SDK2: variants seen among roughly 807,000 people sequenced by gnomAD.
The protein encoded by SDK2 is sidekick cell adhesion molecule 2.
In SDK2, 105 loss-of-function variants were observed where a neutral mutation model predicts 253.9. The ratio of observed to expected loss-of-function variants is 0.41; its 90% CI spans 0.35 to 0.49. The LOEUF (loss-of-function observed/expected upper bound fraction) is 0.49, where lower values mean the gene tolerates loss of function less well. Ranked by LOEUF, SDK2 falls within the 20% of genes least tolerant of loss-of-function variation. The pLI, the probability that SDK2 is intolerant of heterozygous loss-of-function variation, is 0.06. For synonymous variants in SDK2, 1,249 were observed against 1,234.9 expected, an observed-to-expected ratio of 1.01 and a Z score of -0.24; for missense variants, 2,608 against 3,003.0, an observed-to-expected ratio of 0.87 and a Z score of 3.07.
At chr17:73,351,270 C>T (rs541810387) in intron 41 of SDK2, among the ~76,000 whole-genome samples, 6 of 152,194 alleles carry the variant, frequency 3.9e-5, no homozygotes, top group African/African-American at 7.2e-5. Flanking sequence ...CCACCACACC[C>T]GGCTAATCTT....
intron 30 of SDK2, among the ~76,000 whole-genome samples, chr17:73,387,258 CCT>C (rs1452400850): frequency 6.6e-6 from 1 of 152,204 alleles, no homozygotes; most frequent in Middle Eastern, 3.2e-3. Context: ...CCGCTCCTGG[CCT>C]CTCTTTTTTA....
chr17:73,497,609 T>A (rs921121472), intron 2 of SDK2, among the ~76,000 whole-genome samples: 1 of 151,760 alleles, frequency 6.6e-6, no homozygotes, highest in Non-Finnish European at 1.5e-5. Flanking sequence ...CAGCAGAGCC[T>A]CACGTCCCAC....
chr17:73,494,541 C>T (rs751031363), intron 2 of SDK2, among the ~76,000 whole-genome samples: 2 of 152,212 alleles, frequency 1.3e-5, no homozygotes, highest in African/African-American at 4.8e-5. Flanking sequence ...AAGCCAGTCA[C>T]GGTTTGAGAG....
chr17:73,358,408 A>G (rs2062611321), intron 39 of SDK2, among the ~76,000 whole-genome samples: 4 of 152,162 alleles, frequency 2.6e-5, no homozygotes, highest in Admixed American at 2.0e-4. Flanking sequence ...GGCTACCCCT[A>G]TGCTCCATAT....
In SDK2 at chr17:73,481,289, C is replaced by A. The variant is rs2063721978; in HGVS notation, c.225-9071G>T. On this transcript the variant is annotated intron_variant, in intron 2 of 44. Coordinates refer to ENST00000392650, the MANE Select transcript of SDK2 (RefSeq NM_001144952.2). The surrounding 1 kb of genome is among the most constrained non-coding windows in gnomAD (Gnocchi z 4.5). ...GGGGGGACTTGGGCACAGTGTGTTC[C>A]CCCCACCTTCTAGGGAACCTGAGGG... Among the ~76,000 whole-genome samples, 1 of 152,074 alleles carries A rather than the reference C, an allele frequency of 6.6e-6. No individual in the cohort carries two copies.
intron 2 of SDK2, among the ~76,000 whole-genome samples, chr17:73,476,931 G>A (rs778912987): frequency 4.6e-5 from 7 of 151,542 alleles, no homozygotes; most frequent in Non-Finnish European, 8.8e-5. Flanking sequence ...CCTCTCTCCC[G>A]CTCCTCCGCC....
chr17:73,412,599 A>G (rs867258604), intron 18 of SDK2, among the ~76,000 whole-genome samples: 1 of 152,124 alleles, frequency 6.6e-6, no homozygotes, highest in African/African-American at 2.4e-5. Context: ...CCCTAATCCA[A>G]TGTGACTGAG....
intron 10 of SDK2, among the ~76,000 whole-genome samples, chr17:73,433,345 C>A (rs1362091081): frequency 6.6e-6 from 1 of 151,892 alleles, no homozygotes; most frequent in East Asian, 1.9e-4. Flanking sequence ...TGCAGTGGCA[C>A]AATCTTGGCT....
intron 40 of SDK2, among the ~76,000 whole-genome samples, chr17:73,353,441 A>G (rs1208459350): frequency 1.3e-5 from 2 of 152,146 alleles, no homozygotes; most frequent in East Asian, 1.9e-4. Flanking sequence ...TTGTTTCGAG[A>G]CAGAGTTTCG....
chr17:73,579,381 TG>T (rs2045501653), intron 1 of SDK2, among the ~76,000 whole-genome samples: 1 of 152,200 alleles, frequency 6.6e-6, no homozygotes, highest in African/African-American at 2.4e-5. Context: ...ATCTTCCTCA[TG>T]CTCTTGCCTA....
chr17:73,409,399 T>G (rs1356529579), intron 18 of SDK2, among the ~76,000 whole-genome samples: 1 of 151,922 alleles, frequency 6.6e-6, no homozygotes, highest in Non-Finnish European at 1.5e-5. Context: ...GAGAATCACT[T>G]GAGCCCAGGA....
At chr17:73,413,320 T>A (rs1015753204) in intron 18 of SDK2, among the ~76,000 whole-genome samples, 1 of 151,898 alleles carries the variant, frequency 6.6e-6, no homozygotes, top group Admixed American at 6.6e-5. Context: ...GACCATCTAG[T>A]TGCAGGAAAA....
Position 73,447,881 on chromosome 17 carries a change from A to AC in SDK2, c.480-134dup. ...CCAGCCTCCCAGGGCCCCTCCTGCCACCCCCTCCCCAACCTCTTACTGCCT... is the reference window on the plus strand; with the variant it reads ...CCAGCCTCCCAGGGCCCCTCCTGCCACCCCCCTCCCCAACCTCTTACTGCCT... On this transcript the variant is annotated intron_variant, in intron 4 of 44. Transcript: ENST00000392650. This position sits in a 1 kb window ranked among gnomAD's most constrained non-coding sequence, Gnocchi z 4.0. 1.0e-6 allele frequency: 1 copy of AC among 998,370 alleles called. No individual in the cohort carries two copies. The highest frequency in any genetic ancestry group is 1.5e-6 in the Non-Finnish European group (1 of 677,916). 61.8% of individuals were successfully genotyped at this position (998,370 alleles called of 1,614,324 possible).
chr17:73,551,966 A>G (rs927576630), intron 1 of SDK2, among the ~76,000 whole-genome samples: 1 of 152,198 alleles, frequency 6.6e-6, no homozygotes, highest in Non-Finnish European at 1.5e-5. Context: ...ATTGGCTGCC[A>G]CCAGACTGAT....
At chr17:73,575,648 G>A (rs1408307825) in intron 1 of SDK2, among the ~76,000 whole-genome samples, 1 of 152,250 alleles carries the variant, frequency 6.6e-6, no homozygotes, top group East Asian at 1.9e-4. Context: ...GTTAATATGT[G>A]TAAAGCATGT....
intron 10 of SDK2, among the ~76,000 whole-genome samples, chr17:73,432,339 A>T (rs2063332186): frequency 1.3e-5 from 2 of 152,034 alleles, no homozygotes; most frequent in Non-Finnish European, 2.9e-5. Flanking sequence ...GACTATGTCT[A>T]TTTTAAAGAA....
intron 16 of SDK2, among the ~76,000 whole-genome samples, chr17:73,416,199 A>AGTTTTTT (rs373187962): frequency 3.3e-5 from 4 of 120,318 alleles, no homozygotes; most frequent in Non-Finnish European, 6.6e-5. Flanking sequence ...AATGAATTCA[A>AGTTTTTT]TTTTTTTTTT....
rs937373442 is a variant in SDK2 at position 73,511,620 on chromosome 17, C to G, written c.65-4023G>C. 6.6e-6 allele frequency among the ~76,000 whole-genome samples: 1 copy of G among 152,284 alleles called. No homozygotes were observed. Among genetic ancestry groups the G allele is most frequent in the East Asian group, 1.9e-4 (1 of 5,172 alleles). On this transcript the variant is annotated intron_variant, in intron 1 of 44. Coordinates refer to ENST00000392650, the MANE Select transcript of SDK2 (RefSeq NM_001144952.2). The surrounding 1 kb of genome is among the most constrained non-coding windows in gnomAD (Gnocchi z 4.9). Reference sequence around the variant, plus strand: ...TGGGCTGGGGGCTCCACATCCCTCGCCTCCTGTGGTCCTCACAAGGTTCCT... The same window carrying G: ...TGGGCTGGGGGCTCCACATCCCTCGGCTCCTGTGGTCCTCACAAGGTTCCT...
At chr17:73,409,594 C>T (rs2063108627) in intron 18 of SDK2, among the ~76,000 whole-genome samples, 1 of 151,392 alleles carries the variant, frequency 6.6e-6, no homozygotes, top group African/African-American at 2.4e-5. Context: ...TGCGCCATTG[C>T]ATTCTAGCCC....
Sources: gnomAD v4.1 joint callset for allele counts (sites outside exome capture counted in the v4.1 genomes callset) on GRCh38, gnomAD v4.1.1 for gene constraint, Gnocchi (gnomAD v3.1) non-coding constraint, MANE v1.5 for transcripts, NCBI Gene and HGNC (gene_info 2026-07-23, HGNC 2026-07-21) for gene names.